CDH18: variants seen among roughly 807,000 people sequenced by gnomAD.
CDH18 encodes cadherin-18.
A neutral mutation model predicts 67.9 loss-of-function variants in CDH18; 31 were observed. The observed-to-expected ratio is 0.46, with a 90% CI of 0.34 to 0.62. The LOEUF (loss-of-function observed/expected upper bound fraction) is 0.62. CDH18 is among the 20% of genes least tolerant of loss of function. The probability of loss-of-function intolerance (pLI) is 0.01; values close to 1 mark genes in which losing one functional copy is unlikely to be tolerated. For missense variants in CDH18, 890 were observed against 975.5 expected (o/e 0.91, Z 1.17); for synonymous variants, 362 against 347.2 (o/e 1.04, Z -0.48).
At chr5:20,550,451 A>G (rs1435878943) in intron 1 of CDH18, among the ~76,000 whole-genome samples, 1 of 152,220 alleles carries the variant, frequency 6.6e-6, no homozygotes, top group African/African-American at 2.4e-5. Flanking sequence ...GATTTTTTAA[A>G]GTAATAATAT....
intron 2 of CDH18, among the ~76,000 whole-genome samples, chr5:20,086,326 T>C (rs1012134597): frequency 1.3e-5 from 2 of 152,208 alleles, no homozygotes; most frequent in African/African-American, 4.8e-5. Flanking sequence ...GCCATCTCCA[T>C]AACATAAAAT....
chr5:19,887,135 A>C (rs1431117735), intron 2 of CDH18, among the ~76,000 whole-genome samples: 1 of 151,774 alleles, frequency 6.6e-6, no homozygotes, highest in Non-Finnish European at 1.5e-5. Context: ...AGAATGGCTA[A>C]AAATTTGTTT....
At chr5:20,008,453 A>G (rs1737118909) in intron 2 of CDH18, among the ~76,000 whole-genome samples, 1 of 152,198 alleles carries the variant, frequency 6.6e-6, no homozygotes. Context: ...TTAATATCTC[A>G]TCACAAACAG....
At chr5:19,702,825 T>C (rs1056627352) in intron 5 of CDH18, among the ~76,000 whole-genome samples, 6 of 151,962 alleles carry the variant, frequency 3.9e-5, no homozygotes, top group African/African-American at 9.7e-5. Context: ...ACACTGAAGG[T>C]TGTTGGTTTA....
intron 1 of CDH18, among the ~76,000 whole-genome samples, chr5:20,400,582 A>T (rs1475286284): frequency 7.6e-6 from 1 of 131,828 alleles, no homozygotes; most frequent in Non-Finnish European, 1.6e-5. Context: ...CCAACATGCC[A>T]TGTCTACTAA....
intron 4 of CDH18, among the ~76,000 whole-genome samples, chr5:19,722,210 T>C (rs1766194290): frequency 6.6e-6 from 1 of 151,998 alleles, no homozygotes; most frequent in Non-Finnish European, 1.5e-5. Context: ...CCCTCCACCA[T>C]GCCCAGATAA....
chr5:19,737,139 TCA>T (rs1768443384), intron 4 of CDH18, among the ~76,000 whole-genome samples: 1 of 152,054 alleles, frequency 6.6e-6, no homozygotes, highest in Admixed American at 6.6e-5. Flanking sequence ...CCTTCTACCT[TCA>T]CAGTGTTTTT....
intron 2 of CDH18, among the ~76,000 whole-genome samples, chr5:19,882,388 C>T (rs1471116950): frequency 1.3e-5 from 2 of 152,048 alleles, no homozygotes; most frequent in Non-Finnish European, 2.9e-5. Context: ...ATATAAGCCA[C>T]ATTACCTTGT....
At chr5:20,051,066 TC>T (rs1158385533) in intron 2 of CDH18, among the ~76,000 whole-genome samples, 1 of 151,892 alleles carries the variant, frequency 6.6e-6, no homozygotes, top group Non-Finnish European at 1.5e-5. Context: ...AAATCTGTGA[TC>T]AAAATGTATT....
At chr5:19,606,004 G>A (rs2150083931) in intron 6 of CDH18, among the ~76,000 whole-genome samples, 1 of 152,242 alleles carries the variant, frequency 6.6e-6, no homozygotes, top group Admixed American at 6.6e-5. Flanking sequence ...CATCTGGAAG[G>A]CAAAGGCGCT....
At chr5:19,581,528 G>C (rs147751809) in intron 7 of CDH18, among the ~76,000 whole-genome samples, 8 of 151,800 alleles carry the variant, frequency 5.3e-5, no homozygotes, top group Non-Finnish European at 1.0e-4. Flanking sequence ...CCAAGTTGCC[G>C]TATGAGTCAA....
Position 19,554,357 on chromosome 5 carries a change from C to T in CDH18, c.1254-10352G>A, listed in dbSNP as rs568774667. ...TAGAATTTTTTTATTCAGAACCAGC[C>T]TGACCAACATGGCCAAACTCTGTCT... On this transcript the variant is annotated intron_variant, in intron 8 of 12. Transcript: ENST00000382275. 6.6e-5 allele frequency among the ~76,000 whole-genome samples: 10 copies of T among 152,164 alleles called. No homozygotes were observed. The East Asian group carries it at 1.7e-3, about 27-fold the overall frequency.
intron 1 of CDH18, among the ~76,000 whole-genome samples, chr5:20,535,602 T>C (rs1756666732): frequency 1.3e-5 from 2 of 152,116 alleles, no homozygotes; most frequent in Admixed American, 1.3e-4. Context: ...GCTCTGCCTA[T>C]CGCAGAAAGC....
chr5:20,122,420 T>C (rs1350261611), intron 2 of CDH18, among the ~76,000 whole-genome samples: 2 of 152,198 alleles, frequency 1.3e-5, no homozygotes, highest in Non-Finnish European at 2.9e-5. Context: ...TATGTTTCAT[T>C]GAACACCATC....
chr5:20,172,223 T>TATATAC (rs1554098639), intron 2 of CDH18, among the ~76,000 whole-genome samples: 1,394 of 43,554 alleles, frequency 0.032, 88 homozygotes, highest in Middle Eastern at 0.041. Flanking sequence ...TATATATATA[T>TATATAC]GTATATATAT....
intron 1 of CDH18, among the ~76,000 whole-genome samples, chr5:20,386,930 C>T (rs906390165): frequency 6.6e-6 from 1 of 152,026 alleles, no homozygotes; most frequent in Non-Finnish European, 1.5e-5. Flanking sequence ...TATAATCAAC[C>T]TTATTCATAC....
rs144645664 is a variant in CDH18, at chr5:19,997,823, AG to A, written c.-517-5810del. 5.8e-3 allele frequency among the ~76,000 whole-genome samples: 890 copies of A among 152,270 alleles called. 9 individuals carry two copies. The highest frequency in any genetic ancestry group is 0.018 in the African/African-American group (739 of 41,578). ...GCAATACTATCATAAAGGCACGCAT[AG>A]GGTGTCATGAAAGTTTCTTAATTCA... is the stretch of plus-strand genomic sequence containing the variant. On this transcript the variant is annotated intron_variant, in intron 2 of 14. Coordinates refer to the CDH18 transcript ENST00000507958.
At chr5:19,742,776 T>A (rs1769389857) in intron 4 of CDH18, among the ~76,000 whole-genome samples, 1 of 152,026 alleles carries the variant, frequency 6.6e-6, no homozygotes, top group East Asian at 1.9e-4. Flanking sequence ...AAGAATTGAA[T>A]AAATATAAGG....
At chr5:20,176,285 T>C (rs1230125088) in intron 2 of CDH18, among the ~76,000 whole-genome samples, 1 of 152,204 alleles carries the variant, frequency 6.6e-6, no homozygotes, top group African/African-American at 2.4e-5. Context: ...AATGTTACCC[T>C]AACCAATATG....
Sources: allele counts gnomAD v4.1 joint callset (sites outside exome capture counted in the v4.1 genomes callset), GRCh38; gene constraint gnomAD v4.1.1; transcripts MANE v1.5; gene names NCBI Gene and HGNC (gene_info 2026-07-23, HGNC 2026-07-21).